The following PRIMPOL variants were observed in gnomAD, a reference collection of about 807,000 sequenced individuals.
The protein encoded by PRIMPOL is DNA-directed primase/polymerase protein.
Under a neutral mutation model 63.6 loss-of-function variants are expected in PRIMPOL, and 54 were observed. The ratio of observed to expected loss-of-function variants is 0.85; its 90% CI spans 0.68 to 1.07. The LOEUF (loss-of-function observed/expected upper bound fraction) is 1.07. PRIMPOL is among the 50% of genes least tolerant of loss of function. The pLI, the probability that PRIMPOL is intolerant of heterozygous loss-of-function variation, is 0.00. For missense variants in PRIMPOL, 610 were observed against 648.3 expected (o/e 0.94, Z 0.64); for synonymous variants, 197 against 220.2 (o/e 0.89, Z 0.93).
Position 184,666,014 on chromosome 4 carries a change from A to C in PRIMPOL, c.506A>C (p.His169Pro). The change falls in exon 6 of 14, where the codon CAT becomes CCT. Residue 169 changes from histidine to proline, a missense_variant. By Grantham distance (77) the His-to-Pro change is moderately conservative (BLOSUM62 -2). Transcript: ENST00000314970. ...DSSTDEKFSR[H>P]LIFQLHDVAF... Reference sequence around the variant, plus strand: ...AGCACTGATGAAAAATTCAGCCGGCATTTAATATTTCAGCTCCATGATGTG... The same window carrying C: ...AGCACTGATGAAAAATTCAGCCGGCCTTTAATATTTCAGCTCCATGATGTG... The C allele has an allele frequency of 6.2e-7, 1 of 1,610,574 alleles. No individual in the cohort carries two copies. The highest frequency in any genetic ancestry group is 8.5e-7 in the Non-Finnish European group (1 of 1,177,650).
intron 8 of PRIMPOL, among the ~76,000 whole-genome samples, chr4:184,679,616 G>C (rs1186943030): frequency 6.6e-6 from 1 of 152,146 alleles, no homozygotes; most frequent in Non-Finnish European, 1.5e-5. Flanking sequence ...CATGTTAGAA[G>C]GTAGTGGTCC....
intron 2 of PRIMPOL, among the ~76,000 whole-genome samples, chr4:184,654,349 A>G (rs1444042986): frequency 6.6e-6 from 1 of 152,140 alleles, no homozygotes; most frequent in Non-Finnish European, 1.5e-5. Flanking sequence ...AGGTTTATCT[A>G]AGTATAGCAG....
At chr4:184,661,991 T>A in intron 5 of PRIMPOL, 88 bp downstream of exon 5, 1 of 1,178,918 alleles carries the variant, frequency 8.5e-7, no homozygotes, top group Non-Finnish European at 1.2e-6. Context: ...TAATAGTAGG[T>A]TCTGTATCTC....
chr4:184,672,952 G>A (rs990027271), intron 7 of PRIMPOL, among the ~76,000 whole-genome samples: 83 of 151,982 alleles, frequency 5.5e-4, no homozygotes, highest in African/African-American at 2.0e-3. Flanking sequence ...GGTTTGCTAG[G>A]CCCTGGTCTC....
At chr4:184,650,283 A>G (rs1305341090) in intron 1 of PRIMPOL, among the ~76,000 whole-genome samples, 1 of 152,258 alleles carries the variant, frequency 6.6e-6, no homozygotes. Context: ...GATGGGGCAA[A>G]GAGATTAACG....
intron 5 of PRIMPOL, among the ~76,000 whole-genome samples, chr4:184,664,815 C>T (rs1749386120): frequency 6.6e-6 from 1 of 152,106 alleles, no homozygotes; most frequent in Non-Finnish European, 1.5e-5. Context: ...ACAGAGGAAA[C>T]ATGTCAAACT....
chr4:184,683,422 CAAAA>C (rs56794700), intron 9 of PRIMPOL, among the ~76,000 whole-genome samples: 1 of 122,800 alleles, frequency 8.1e-6, no homozygotes, highest in Non-Finnish European at 1.7e-5. Context: ...GACTCCATCT[CAAAA>C]AAAAAAAAAA....
intron 8 of PRIMPOL, among the ~76,000 whole-genome samples, chr4:184,680,765 T>G (rs965994664): frequency 6.6e-6 from 1 of 152,212 alleles, no homozygotes; most frequent in East Asian, 1.9e-4. Flanking sequence ...AAGTTAAAAC[T>G]GCACATAAAA....
At chr4:184,687,908 GC>G (rs1345723349) in intron 11 of PRIMPOL, among the ~76,000 whole-genome samples, 2 of 152,220 alleles carry the variant, frequency 1.3e-5, no homozygotes, top group Non-Finnish European at 2.9e-5. Flanking sequence ...GAGCCACCGT[GC>G]CCGGCCATAA....
At chr4:184,661,391 A>T (rs191211640) in intron 4 of PRIMPOL, among the ~76,000 whole-genome samples, 1 of 152,322 alleles carries the variant, frequency 6.6e-6, no homozygotes, top group African/African-American at 2.4e-5. Context: ...GCAATGTAAG[A>T]TAGACTGCCA....
At chr4:184,666,109 T>C in intron 6 of PRIMPOL, 45 bp downstream of exon 6, 9 of 1,439,782 alleles carry the variant, frequency 6.3e-6, no homozygotes, top group South Asian at 1.3e-5. Flanking sequence ...TATTCAAAAC[T>C]CATATGTTCT....
At chr4:184,657,453 C>A (rs1746787404) in intron 3 of PRIMPOL, 133 bp downstream of exon 3, 1 of 687,456 alleles carries the variant, frequency 1.5e-6, no homozygotes, top group Non-Finnish European at 2.3e-6. Context: ...ATGTATTCTA[C>A]CAAGAAAATT....
rs368181216 is a variant in PRIMPOL, at chr4:184,678,398, T to C, written c.1007+4T>C. 3.7e-5 allele frequency: 59 copies of C among 1,595,270 alleles called. No individual in the cohort carries two copies. In the African/African-American group the frequency reaches 7.0e-4, roughly 19 times the overall value. ...CTTCTTTGGTCAGCAATGTCAGGTATGTAGTAGCAGCATCAAACCATTTTG... is the reference window on the plus strand; with the variant it reads ...CTTCTTTGGTCAGCAATGTCAGGTACGTAGTAGCAGCATCAAACCATTTTG... On this transcript the variant is annotated splice_donor_region_variant and intron_variant, in intron 8 of 13. Coordinates refer to ENST00000314970, the MANE Select transcript of PRIMPOL (RefSeq NM_152683.4).
intron 13 of PRIMPOL, among the ~76,000 whole-genome samples, chr4:184,693,762 T>TTTA (rs1554008319): frequency 6.6e-6 from 1 of 152,090 alleles, no homozygotes; most frequent in African/African-American, 2.4e-5. Flanking sequence ...CGCATTATTT[T>TTTA]TGATGACTCT....
chr4:184,676,096 C>A (rs915931772), intron 7 of PRIMPOL, among the ~76,000 whole-genome samples: 1 of 151,926 alleles, frequency 6.6e-6, no homozygotes, highest in African/African-American at 2.4e-5. Context: ...ACTTATTGTT[C>A]TGCCTTTTAT....
chr4:184,691,897 C>CT (rs10567357), intron 13 of PRIMPOL, among the ~76,000 whole-genome samples, 185 bp downstream of exon 13: 24 of 140,504 alleles, frequency 1.7e-4, no homozygotes, highest in Non-Finnish European at 2.5e-4. Flanking sequence ...TAATACAAAC[C>CT]TTTTTTTTTT....
At chr4:184,650,813 G>A (rs184662337) in intron 1 of PRIMPOL, among the ~76,000 whole-genome samples, 1 of 152,244 alleles carries the variant, frequency 6.6e-6, no homozygotes, top group East Asian at 1.9e-4. Flanking sequence ...GCGCCTATTC[G>A]ACTATAGGGA....
At chr4:184,694,251 C>T (rs530241220) in intron 13 of PRIMPOL, 32 of 1,147,382 alleles carry the variant, frequency 2.8e-5, no homozygotes, top group African/African-American at 3.2e-5. Context: ...CACCCTTGCT[C>T]TTCCGTCGGG....
At chr4:184,673,053 T>C (rs891548038) in intron 7 of PRIMPOL, among the ~76,000 whole-genome samples, 1 of 152,098 alleles carries the variant, frequency 6.6e-6, no homozygotes, top group African/African-American at 2.4e-5. Context: ...ACAGCTCCCA[T>C]TGGTGAACTG....
Sources: allele counts gnomAD v4.1 joint callset (sites outside exome capture counted in the v4.1 genomes callset), GRCh38; gene constraint gnomAD v4.1.1; transcripts MANE v1.5; gene names NCBI Gene and HGNC (gene_info 2026-07-23, HGNC 2026-07-21).